The following ACYP2 variants were observed in gnomAD, a reference collection of about 807,000 sequenced individuals.
ACYP2 encodes the protein acylphosphatase 2, also known as acylphosphatase-2.
Under a neutral mutation model 11.2 loss-of-function variants are expected in ACYP2, and 12 were observed. The ratio of observed to expected loss-of-function variants is 1.08; its 90% CI spans 0.69 to 1.74. ACYP2 has a LOEUF of 1.74. Ranked by LOEUF, ACYP2 falls within the 40% of genes most tolerant of loss-of-function variation. The pLI, the probability that ACYP2 is intolerant of heterozygous loss-of-function variation, is 0.00. For synonymous variants in ACYP2, 43 were observed against 32.2 expected, an observed-to-expected ratio of 1.33 and a Z score of -1.13; for missense variants, 134 against 101.9, an observed-to-expected ratio of 1.31 and a Z score of -1.35.
chr2:54,086,576 T>A (rs1265249163), intron 4 of ACYP2, among the ~76,000 whole-genome samples: 4 of 152,256 alleles, frequency 2.6e-5, no homozygotes, highest in African/African-American at 4.8e-5. Context: ...ATCATTTTGG[T>A]CTGAGAACCA....
At position 54,236,422 on chromosome 2, in the gene ACYP2, A is replaced by G. The variant is rs574828452; in HGVS notation, c.405-68266A>G. Among the ~76,000 whole-genome samples, 3 of 152,210 alleles carry G rather than the reference A, an allele frequency of 2.0e-5. 1 individual carries two copies. The highest frequency in any genetic ancestry group is 6.3e-3 in the Middle Eastern group (2 of 316). ...GAACATTTACTTCAAAATGGGCTCT[A>G]ATTTCCACTGTGACTTTTTTCTTTG... On this transcript the variant is annotated intron_variant, in intron 6 of 6. Coordinates refer to ENST00000607452, the MANE Select transcript of ACYP2 (RefSeq NM_001320586.2).
At chr2:53,981,870 A>G (rs985533681) in intron 2 of ACYP2, among the ~76,000 whole-genome samples, 6 of 152,226 alleles carry the variant, frequency 3.9e-5, no homozygotes, top group African/African-American at 4.8e-5. Context: ...TTTCTCAAAC[A>G]TATCTCCGTC....
At chr2:54,092,180 A>G (rs1417253419) in intron 4 of ACYP2, among the ~76,000 whole-genome samples, 5 of 152,182 alleles carry the variant, frequency 3.3e-5, no homozygotes, top group Non-Finnish European at 5.9e-5. Context: ...AGTTTTGAAG[A>G]TGTTGAATTT....
At chr2:54,052,978 T>C (rs1009916578) in intron 3 of ACYP2, among the ~76,000 whole-genome samples, 1 of 152,204 alleles carries the variant, frequency 6.6e-6, no homozygotes, top group African/African-American at 2.4e-5. Flanking sequence ...ATCTGGGCCC[T>C]GTAATTAGTT....
chr2:54,181,894 A>T (rs1683747067), intron 6 of ACYP2, among the ~76,000 whole-genome samples: 2 of 152,146 alleles, frequency 1.3e-5, no homozygotes, highest in Admixed American at 1.3e-4. Flanking sequence ...AAAATAAAAT[A>T]AACATTTAAA....
At chr2:54,210,782 AAAGATGT>A (rs1685302891) in intron 6 of ACYP2, among the ~76,000 whole-genome samples, 2 of 152,064 alleles carry the variant, frequency 1.3e-5, no homozygotes, top group African/African-American at 4.8e-5. Flanking sequence ...ATAGCAGATT[AAAGATGT>A]ATCACTTGGT....
chr2:54,169,017 C>T (rs1157609702), intron 6 of ACYP2, among the ~76,000 whole-genome samples: 1 of 152,166 alleles, frequency 6.6e-6, no homozygotes, highest in Admixed American at 6.5e-5. Flanking sequence ...CTTGGTTTTC[C>T]TGTCCAAAGA....
intron 6 of ACYP2, among the ~76,000 whole-genome samples, chr2:54,258,744 G>T (rs1181385948): frequency 4.6e-5 from 7 of 152,126 alleles, no homozygotes. Context: ...GAGTCAGCCT[G>T]ATTTAATGGT....
At chr2:54,264,793 A>G (rs1260568436) in intron 6 of ACYP2, among the ~76,000 whole-genome samples, 1 of 152,242 alleles carries the variant, frequency 6.6e-6, no homozygotes, top group Non-Finnish European at 1.5e-5. Context: ...TTCTTGGGAC[A>G]GTGGAGGAAA....
chr2:54,056,612 A>T (rs1676166040), intron 3 of ACYP2, among the ~76,000 whole-genome samples: 1 of 152,196 alleles, frequency 6.6e-6, no homozygotes, highest in Non-Finnish European at 1.5e-5. Flanking sequence ...TATATTTTCA[A>T]TCATGACACA....
At chr2:54,095,403 A>C (rs1678474638) in intron 4 of ACYP2, among the ~76,000 whole-genome samples, 1 of 151,582 alleles carries the variant, frequency 6.6e-6, no homozygotes, top group Non-Finnish European at 1.5e-5. Flanking sequence ...TGTTGGACAC[A>C]CCTCCCAGAC....
At chr2:54,070,184 C>T (rs1410362696) in intron 4 of ACYP2, among the ~76,000 whole-genome samples, 1 of 150,328 alleles carries the variant, frequency 6.7e-6, no homozygotes, top group African/African-American at 2.4e-5. Context: ...GCAGGAGAAT[C>T]TCTTGAACCT....
chr2:54,094,584 C>A (rs1043596995), intron 4 of ACYP2, among the ~76,000 whole-genome samples: 1 of 150,992 alleles, frequency 6.6e-6, no homozygotes, highest in African/African-American at 2.4e-5. Flanking sequence ...ATCGCCCAGG[C>A]TGGAAGGCAG....
At chr2:54,071,226 T>C (rs1677024368) in intron 4 of ACYP2, among the ~76,000 whole-genome samples, 1 of 152,168 alleles carries the variant, frequency 6.6e-6, no homozygotes, top group Non-Finnish European at 1.5e-5. Flanking sequence ...AGATTAGGAA[T>C]AAGACAAGGA....
chr2:53,989,084 C>T (rs900263397), intron 2 of ACYP2, among the ~76,000 whole-genome samples: 1 of 151,746 alleles, frequency 6.6e-6, no homozygotes, highest in African/African-American at 2.4e-5. Flanking sequence ...CTGAAGGCCA[C>T]CAAGAGTCCA....
intron 2 of ACYP2, among the ~76,000 whole-genome samples, chr2:54,017,786 T>TA (rs771703293): frequency 5.9e-5 from 9 of 152,046 alleles, no homozygotes; most frequent in Middle Eastern, 6.8e-3. Context: ...GCTACTGTAT[T>TA]ACGTGTGTGT....
chr2:53,975,720 T>A (rs1671444550), intron 2 of ACYP2, among the ~76,000 whole-genome samples: 1 of 151,850 alleles, frequency 6.6e-6, no homozygotes, highest in South Asian at 2.1e-4. Context: ...TAGTCCCAGC[T>A]ACTTGGGAGG....
At chr2:54,169,884 T>G (rs1166895489) in intron 6 of ACYP2, among the ~76,000 whole-genome samples, 1 of 152,188 alleles carries the variant, frequency 6.6e-6, no homozygotes, top group African/African-American at 2.4e-5. Flanking sequence ...TTTTTGAGTA[T>G]TCCTCCTAAT....
intron 2 of ACYP2, among the ~76,000 whole-genome samples, chr2:54,037,996 C>G (rs939170900): frequency 6.6e-6 from 1 of 152,176 alleles, no homozygotes; most frequent in South Asian, 2.1e-4. Flanking sequence ...ATCTCCGAAG[C>G]TTTCTCTCCT....
Sources: allele counts gnomAD v4.1 joint callset (sites outside exome capture counted in the v4.1 genomes callset), GRCh38; gene constraint gnomAD v4.1.1; transcripts MANE v1.5; gene names NCBI Gene and HGNC (gene_info 2026-07-23, HGNC 2026-07-21).